CACNA2D1: variants seen among roughly 807,000 people sequenced by gnomAD.
CACNA2D1 encodes calcium voltage-gated channel auxiliary subunit alpha2delta 1, also known as voltage-dependent calcium channel subunit alpha-2/delta-1.
In CACNA2D1, 53 loss-of-function variants were observed where a neutral mutation model predicts 171.5. The observed-to-expected ratio is 0.31, with a 90% CI of 0.25 to 0.39. CACNA2D1 has a LOEUF of 0.39. Ranked by LOEUF, CACNA2D1 falls within the 10% of genes least tolerant of loss-of-function variation. CACNA2D1 has a pLI of 1.00. For synonymous variants in CACNA2D1, 442 were observed against 443.1 expected (o/e 1.00, Z 0.03); for missense variants, 903 against 1,299.8 (o/e 0.69, Z 4.69).
intron 3 of CACNA2D1, among the ~76,000 whole-genome samples, chr7:82,331,877 T>C (rs1056368699): frequency 6.6e-6 from 1 of 152,164 alleles, no homozygotes. Context: ...CACTGTCACC[T>C]GAATATTAAT....
intron 12 of CACNA2D1, among the ~76,000 whole-genome samples, chr7:82,030,663 GA>G (rs1802578166): frequency 6.6e-6 from 1 of 151,478 alleles, no homozygotes; most frequent in Non-Finnish European, 1.5e-5. Context: ...ATAATGAAAG[GA>G]AAAAAATGAT....
chr7:82,316,706 A>T (rs1026471031), intron 3 of CACNA2D1, among the ~76,000 whole-genome samples: 46 of 152,198 alleles, frequency 3.0e-4, no homozygotes, highest in Admixed American at 2.8e-3. Flanking sequence ...TAATGGACTC[A>T]CAGTTCCACC....
intron 3 of CACNA2D1, among the ~76,000 whole-genome samples, chr7:82,259,473 T>G (rs1563271450): frequency 6.6e-6 from 1 of 152,250 alleles, no homozygotes; most frequent in Non-Finnish European, 1.5e-5. Context: ...AAAGCTTTCA[T>G]GTGAATCTCT....
At chr7:82,246,917 A>T (rs988277002) in intron 3 of CACNA2D1, among the ~76,000 whole-genome samples, 1 of 152,064 alleles carries the variant, frequency 6.6e-6, no homozygotes, top group Non-Finnish European at 1.5e-5. Flanking sequence ...CTTAAAGAAG[A>T]CACCCCATAT....
At chr7:82,142,292 T>C (rs566940557) in intron 4 of CACNA2D1, among the ~76,000 whole-genome samples, 1 of 152,226 alleles carries the variant, frequency 6.6e-6, no homozygotes, top group Non-Finnish European at 1.5e-5. Context: ...TGCTGCTTAC[T>C]GAAATTTCAA....
intron 12 of CACNA2D1, among the ~76,000 whole-genome samples, chr7:82,022,222 AACACACACACACAC>A (rs71520795): frequency 6.9e-6 from 1 of 145,874 alleles, no homozygotes; most frequent in Admixed American, 6.9e-5. Context: ...CAGAGACAAG[AACACACACACACAC>A]ACACACACAC....
chr7:82,302,277 G>T (rs1813110089), intron 3 of CACNA2D1, among the ~76,000 whole-genome samples: 1 of 151,928 alleles, frequency 6.6e-6, no homozygotes, highest in African/African-American at 2.4e-5. Flanking sequence ...TTTCTAAATG[G>T]TAACCCCTAA....
At chr7:82,278,487 G>C (rs1487523301) in intron 3 of CACNA2D1, among the ~76,000 whole-genome samples, 2 of 149,196 alleles carry the variant, frequency 1.3e-5, no homozygotes, top group Non-Finnish European at 3.0e-5. Flanking sequence ...GAGCCCAGGA[G>C]GCAGAGGTTG....
chr7:82,059,510 C>G (rs562208262), intron 10 of CACNA2D1, among the ~76,000 whole-genome samples: 1 of 152,062 alleles, frequency 6.6e-6, no homozygotes. Flanking sequence ...TATAATCATA[C>G]TGCCAAGTTG....
intron 3 of CACNA2D1, among the ~76,000 whole-genome samples, chr7:82,232,185 C>T (rs1803014596): frequency 6.6e-6 from 1 of 151,948 alleles, no homozygotes; most frequent in Non-Finnish European, 1.5e-5. Context: ...ATAATTTTTG[C>T]CAGTTTTACA....
At chr7:82,392,134 C>T (rs1245492961) in intron 1 of CACNA2D1, among the ~76,000 whole-genome samples, 1 of 152,198 alleles carries the variant, frequency 6.6e-6, no homozygotes, top group African/African-American at 2.4e-5. Context: ...CTGATTGATC[C>T]TTACCCTTCA....
intron 3 of CACNA2D1, among the ~76,000 whole-genome samples, chr7:82,287,997 ATTT>A (rs5885283): frequency 3.6e-5 from 5 of 138,884 alleles, no homozygotes; most frequent in African/African-American, 5.6e-5. Context: ...TGCCCGGCTA[ATTT>A]TTTTTTTTTT....
chr7:82,095,355 C>T (rs1389541422), intron 6 of CACNA2D1, among the ~76,000 whole-genome samples: 1 of 152,076 alleles, frequency 6.6e-6, no homozygotes, highest in Non-Finnish European at 1.5e-5. Flanking sequence ...AAAATACTTC[C>T]TACGTTTCAC....
chr7:82,306,264 C>T (rs1232548572), intron 3 of CACNA2D1, among the ~76,000 whole-genome samples: 1 of 152,084 alleles, frequency 6.6e-6, no homozygotes, highest in African/African-American at 2.4e-5. Context: ...TGGTAGCCAG[C>T]GTGAAAGAAG....
In CACNA2D1 at chr7:82,222,990, C is replaced by T. The variant is rs756903916; in HGVS notation, c.295-52381G>A. Among the ~76,000 whole-genome samples the T allele has an allele frequency of 4.3e-4, 65 of 150,642 alleles. 1 individual carries two copies. Among genetic ancestry groups the T allele is most frequent in the Non-Finnish European group, 5.5e-4 (37 of 67,744 alleles). ...GTGCAGTGGCATGATCTTGGCTCAC[C>T]GCAACTCTGCCTCCTGGGTTCAAGG... On this transcript the variant is annotated intron_variant, in intron 3 of 38. Transcript: ENST00000356860.
chr7:82,079,525 C>T (rs867016038), intron 7 of CACNA2D1, among the ~76,000 whole-genome samples: 1 of 152,048 alleles, frequency 6.6e-6, no homozygotes, highest in Admixed American at 6.6e-5. Context: ...AAACCCGTCT[C>T]TACTAATAAT....
intron 1 of CACNA2D1, among the ~76,000 whole-genome samples, chr7:82,421,852 T>C (rs1828744660): frequency 6.6e-6 from 1 of 152,206 alleles, no homozygotes; most frequent in Admixed American, 6.5e-5. Flanking sequence ...GTCTACAGAA[T>C]GATCTTACAG....
intron 12 of CACNA2D1, 84 bp downstream of exon 12, chr7:82,032,713 C>G (rs950796550): frequency 1.3e-5 from 9 of 696,012 alleles, no homozygotes; most frequent in Non-Finnish European, 2.0e-5. Flanking sequence ...ATCAAAAATT[C>G]TCCCCTCACT....
intron 1 of CACNA2D1, among the ~76,000 whole-genome samples, chr7:82,399,205 C>A (rs1292321770): frequency 6.6e-6 from 1 of 152,016 alleles, no homozygotes; most frequent in Non-Finnish European, 1.5e-5. Context: ...ATTGGGAGGC[C>A]AAGGTGGGCG....
Sources: gnomAD v4.1 joint callset for allele counts (sites outside exome capture counted in the v4.1 genomes callset) on GRCh38, gnomAD v4.1.1 for gene constraint, MANE v1.5 for transcripts, NCBI Gene and HGNC (gene_info 2026-07-23, HGNC 2026-07-21) for gene names.